The following ASTN2 variants were observed in gnomAD, a reference collection of about 807,000 sequenced individuals.
ASTN2 encodes the protein astrotactin-2.
Under a neutral mutation model 139.8 loss-of-function variants are expected in ASTN2, and 54 were observed. The observed-to-expected ratio is 0.39, with a 90% CI of 0.31 to 0.48. ASTN2 has a LOEUF of 0.48. ASTN2 is among the 20% of genes least tolerant of loss of function. ASTN2 has a pLI of 0.95. For synonymous variants in ASTN2, 756 were observed against 719.5 expected, an observed-to-expected ratio of 1.05 and a Z score of -0.81; for missense variants, 1,565 against 1,725.1, an observed-to-expected ratio of 0.91 and a Z score of 1.64.
In ASTN2 at chr9:117,068,734, TG is replaced by T. The variant is rs1164721584; in HGVS notation, c.1276+27309del. On this transcript the variant is annotated intron_variant, in intron 5 of 22. Coordinates refer to ENST00000313400, the MANE Select transcript of ASTN2 (RefSeq NM_001365068.1). ...ATTCAACTTCTTCCTGGTTTAGTCT[TG>T]GGAGAGTGTATGTGTCGAGGAATTT... Among the ~76,000 whole-genome samples the T allele has an allele frequency of 4.2e-5, 5 of 120,422 alleles. 1 individual carries two copies. Among genetic ancestry groups the T allele is most frequent in the Non-Finnish European group, 9.1e-5 (5 of 55,108 alleles). 79.0% of individuals were successfully genotyped at this position (120,422 alleles called of 152,430 possible). A position where few individuals can be genotyped will look rare whatever the true frequency, so the allele number is the denominator to read the frequency against.
At chr9:116,875,725 T>C (rs1833277403) in intron 10 of ASTN2, among the ~76,000 whole-genome samples, 1 of 152,186 alleles carries the variant, frequency 6.6e-6, no homozygotes, top group Non-Finnish European at 1.5e-5. Flanking sequence ...TTGAAGCCAA[T>C]ACTAGTTTAC....
intron 17 of ASTN2, among the ~76,000 whole-genome samples, chr9:116,634,559 C>G (rs1856970821): frequency 6.9e-6 from 1 of 144,156 alleles, no homozygotes; most frequent in East Asian, 2.0e-4. Context: ...CACTGCACCC[C>G]AGCCTGGGCG....
rs1564279987 is a variant in ASTN2 at position 116,442,500 on chromosome 9, A to G, written c.3551T>C (p.Val1184Ala). The change falls in exon 21 of 23, where the codon GTG (valine) becomes GCG (alanine). Residue 1184 changes from valine (V) to alanine (A), a missense_variant. Physicochemically the swap from Val to Ala is moderately conservative, Grantham distance 64. Around this residue, in one of 4 missense-constraint regions of ASTN2, gnomAD observed 418 missense variants for 465.8 expected, o/e 0.90. Coordinates refer to ENST00000313400, the MANE Select transcript of ASTN2 (RefSeq NM_001365068.1). Reference protein sequence around the residue: ...TRGRHSELSTVTLRTACPLVD... With the variant: ...TRGRHSELSTATLRTACPLVD... ...CAGTGGACAGGCCGTCCTCAGGGTC[A>G]CCGTGCTTAGCTCTGAGTGCCTCCC... The G allele has an allele frequency of 3.1e-6, 5 of 1,614,106 alleles. No individual in the cohort carries two copies. The South Asian group carries it at 4.4e-5, about 14-fold the overall frequency.
chr9:116,751,549 GTTA>G (rs1197240654), intron 13 of ASTN2, among the ~76,000 whole-genome samples: 3 of 151,124 alleles, frequency 2.0e-5, no homozygotes, highest in African/African-American at 4.9e-5. Flanking sequence ...TATTATTATT[GTTA>G]TTATTATTAT....
intron 16 of ASTN2, among the ~76,000 whole-genome samples, chr9:116,695,804 G>A (rs1419778798): frequency 6.6e-6 from 1 of 152,158 alleles, no homozygotes; most frequent in Non-Finnish European, 1.5e-5. Flanking sequence ...ATAAGTATAT[G>A]TATATCAAGA....
intron 16 of ASTN2, among the ~76,000 whole-genome samples, chr9:116,717,629 A>AT (rs1335304124): frequency 2.0e-5 from 3 of 152,080 alleles, no homozygotes; most frequent in Non-Finnish European, 4.4e-5. Flanking sequence ...CCAGGCTGGG[A>AT]TTTTTCACCT....
At chr9:117,016,657 A>T (rs1288385499) in intron 6 of ASTN2, among the ~76,000 whole-genome samples, 57 of 23,790 alleles carry the variant, frequency 2.4e-3, no homozygotes, top group Non-Finnish European at 4.1e-3. Flanking sequence ...TATATATATA[A>T]CCTATATATA....
chr9:117,247,021 T>G, intron 2 of ASTN2, among the ~76,000 whole-genome samples: 1 of 152,062 alleles, frequency 6.6e-6, no homozygotes, highest in East Asian at 1.9e-4. Flanking sequence ...CTAGTTTCAA[T>G]TTACCAGTTG....
intron 1 of ASTN2, among the ~76,000 whole-genome samples, chr9:117,400,290 T>C (rs1317231509): frequency 6.6e-6 from 1 of 152,152 alleles, no homozygotes; most frequent in Non-Finnish European, 1.5e-5. Flanking sequence ...ACCTGTTTGG[T>C]TTTCCTAGCT....
intron 2 of ASTN2, among the ~76,000 whole-genome samples, chr9:117,290,058 C>T (rs145573825): frequency 1.6e-4 from 24 of 152,308 alleles, no homozygotes; most frequent in Admixed American, 5.2e-4. Flanking sequence ...AAAAATACTG[C>T]TGATTGTTAA....
intron 3 of ASTN2, among the ~76,000 whole-genome samples, chr9:117,168,042 T>C (rs545889005): frequency 6.6e-5 from 10 of 152,232 alleles, no homozygotes; most frequent in African/African-American, 2.4e-4. Context: ...ACTAACCAAG[T>C]CAGCTTCTTT....
At chr9:117,351,554 C>A (rs1829388329) in intron 1 of ASTN2, among the ~76,000 whole-genome samples, 1 of 152,138 alleles carries the variant, frequency 6.6e-6, no homozygotes, top group African/African-American at 2.4e-5. Context: ...ACTACACAAA[C>A]AATAAAAACT....
At chr9:116,783,296 T>TCCTTCCTC (rs1830271194) in intron 13 of ASTN2, among the ~76,000 whole-genome samples, 1 of 20,728 alleles carries the variant, frequency 4.8e-5, no homozygotes, top group South Asian at 1.6e-3. Context: ...CTTCCTTCCT[T>TCCTTCCTC]CCTCCCTCCC....
rs148724828 is a variant in ASTN2, at chr9:116,933,979, C to CTTT, written c.1889+41226_1889+41228dup. 9.3e-3 allele frequency among the ~76,000 whole-genome samples: 808 copies of CTTT among 86,800 alleles called. 138 individuals carry two copies. Among genetic ancestry groups the CTTT allele is most frequent in the Non-Finnish European group, 0.013 (606 of 45,866 alleles). 56.9% of individuals were successfully genotyped at this position (86,800 alleles called of 152,430 possible). On this transcript the variant is annotated intron_variant, in intron 10 of 22. Coordinates refer to ENST00000313400, the MANE Select transcript of ASTN2 (RefSeq NM_001365068.1). The stretch of plus-strand genomic sequence containing the variant: ...ACCTCAGTTGTGCGAAGTGTTAGTC[C>CTTT]TTTTTTTTTTTTTTTTTTTTTTTCT...
chr9:116,963,649 T>C (rs1056338287), intron 10 of ASTN2, among the ~76,000 whole-genome samples: 22 of 152,086 alleles, frequency 1.4e-4, no homozygotes, highest in Non-Finnish European at 3.2e-4. Context: ...TTGAGGATAT[T>C]TTGAAGGTAG....
intron 19 of ASTN2, among the ~76,000 whole-genome samples, chr9:116,526,662 T>C (rs1340900946): frequency 1.3e-5 from 2 of 152,070 alleles, no homozygotes; most frequent in Admixed American, 6.6e-5. Context: ...AAGTAAATTT[T>C]AGTTTCAGAA....
At chr9:116,732,656 C>CA (rs940138948) in intron 14 of ASTN2, among the ~76,000 whole-genome samples, 1 of 151,684 alleles carries the variant, frequency 6.6e-6, no homozygotes, top group African/African-American at 2.4e-5. Flanking sequence ...GAACTGGGAG[C>CA]AAAAAAAGAG....
chr9:116,599,067 T>C (rs1427293392), intron 19 of ASTN2, among the ~76,000 whole-genome samples: 1 of 152,128 alleles, frequency 6.6e-6, no homozygotes, highest in African/African-American at 2.4e-5. Flanking sequence ...GCAAAGCAGA[T>C]AATAGAAGTT....
chr9:116,559,649 C>T (rs1340491252), intron 19 of ASTN2, among the ~76,000 whole-genome samples: 1 of 152,124 alleles, frequency 6.6e-6, no homozygotes, highest in Non-Finnish European at 1.5e-5. Flanking sequence ...ATTCTGAATC[C>T]TGATCACATC....
Sources: allele counts gnomAD v4.1 joint callset (sites outside exome capture counted in the v4.1 genomes callset), GRCh38; gene constraint gnomAD v4.1.1; regional missense constraint gnomAD v4.1.1; transcripts MANE v1.5; gene names NCBI Gene and HGNC (gene_info 2026-07-23, HGNC 2026-07-21).